ACYP2: variants seen among roughly 807,000 people sequenced by gnomAD.
The protein encoded by ACYP2 is acylphosphatase 2.
ACYP2 carries 12 observed loss-of-function variants against 11.2 expected under a neutral mutation model. That is an observed-to-expected ratio of 1.08 (90% CI 0.69 to 1.74). The LOEUF is 1.74. Ranked by LOEUF, ACYP2 falls within the 40% of genes most tolerant of loss-of-function variation. The pLI, the probability that ACYP2 is intolerant of heterozygous loss-of-function variation, is 0.00. For missense variants in ACYP2, 134 were observed against 101.9 expected, an observed-to-expected ratio of 1.31 and a Z score of -1.35; for synonymous variants, 43 against 32.2, an observed-to-expected ratio of 1.33 and a Z score of -1.13.
intron 6 of ACYP2, among the ~76,000 whole-genome samples, chr2:54,297,720 A>G (rs1689574382): frequency 6.6e-6 from 1 of 151,684 alleles, no homozygotes; most frequent in Non-Finnish European, 1.5e-5. Context: ...GTTTAAAAAC[A>G]TAATGATTAA....
chr2:54,226,309 T>C (rs1686008517), intron 6 of ACYP2, among the ~76,000 whole-genome samples: 1 of 152,218 alleles, frequency 6.6e-6, no homozygotes, highest in African/African-American at 2.4e-5. Flanking sequence ...CTTTCAAAGA[T>C]ATTGAGCGTC....
rs58842257 is a variant in ACYP2, at chr2:54,102,638, C to CAAAAAAAAAAAAAAAAAAAAAAAA, written c.278-32802_278-32779dup. ...AAACCCAATTTAAGCTGGCTTAAGC[C>CAAAAAAAAAAAAAAAAAAAAAAAA]AAAAAAAAAAAAAAAAAAAAAAAAA... On this transcript the variant is annotated intron_variant, in intron 4 of 6. Transcript: ENST00000607452. 2.6e-4 allele frequency among the ~76,000 whole-genome samples: 22 copies of CAAAAAAAAAAAAAAAAAAAAAAAA among 83,304 alleles called. 3 individuals carry two copies. The highest frequency in any genetic ancestry group is 4.3e-4 in the Admixed American group (3 of 6,940). The allele number at this position is 83,304 out of a possible 152,430, so 54.7% of individuals were successfully genotyped here.
intron 2 of ACYP2, among the ~76,000 whole-genome samples, chr2:54,031,276 T>TC (rs1225209024): frequency 1.1e-5 from 1 of 88,324 alleles, no homozygotes; most frequent in Non-Finnish European, 2.1e-5. Flanking sequence ...CCCTTCCCCC[T>TC]CCCCCCACCC....
At chr2:54,018,263 G>C (rs904007999) in intron 2 of ACYP2, among the ~76,000 whole-genome samples, 31 of 152,150 alleles carry the variant, frequency 2.0e-4, no homozygotes, top group African/African-American at 6.8e-4. Context: ...GGTCTGAAGT[G>C]GGTGAGGCCC....
chr2:54,061,306 G>T (rs1676460020), intron 4 of ACYP2, among the ~76,000 whole-genome samples: 1 of 152,142 alleles, frequency 6.6e-6, no homozygotes, highest in Non-Finnish European at 1.5e-5. Flanking sequence ...CTCCTTCCTG[G>T]TAAAAACACT....
intron 6 of ACYP2, among the ~76,000 whole-genome samples, chr2:54,262,254 A>G (rs1285020183): frequency 6.6e-6 from 1 of 152,226 alleles, no homozygotes; most frequent in Non-Finnish European, 1.5e-5. Flanking sequence ...CAGGAGCAAA[A>G]TGATGCAACT....
chr2:54,259,612 A>G (rs1337016210), intron 6 of ACYP2, among the ~76,000 whole-genome samples: 1 of 152,212 alleles, frequency 6.6e-6, no homozygotes, highest in East Asian at 1.9e-4. Flanking sequence ...TTTTACAACA[A>G]AGAGTCACTG....
intron 1 of ACYP2, among the ~76,000 whole-genome samples, chr2:53,972,017 A>G (rs575981500): frequency 1.3e-5 from 2 of 152,364 alleles, no homozygotes; most frequent in African/African-American, 4.8e-5. Flanking sequence ...TTTTTTAAGA[A>G]TTACTCTGGC....
intron 6 of ACYP2, among the ~76,000 whole-genome samples, chr2:54,267,869 A>G (rs1200080615): frequency 3.3e-5 from 5 of 152,208 alleles, no homozygotes; most frequent in African/African-American, 1.2e-4. Flanking sequence ...CTCTTGTTTC[A>G]GAATCTAAAA....
chr2:54,228,283 T>C (rs1267190324), intron 6 of ACYP2, among the ~76,000 whole-genome samples: 1 of 152,246 alleles, frequency 6.6e-6, no homozygotes, highest in African/African-American at 2.4e-5. Context: ...TAGTGCAGTC[T>C]GTAATTCTGT....
chr2:54,152,115 C>T (rs1165312150), intron 6 of ACYP2, among the ~76,000 whole-genome samples: 22 of 106,916 alleles, frequency 2.1e-4, no homozygotes, highest in South Asian at 3.4e-4. Flanking sequence ...AGGGTTGACT[C>T]TTTTTTTTTT....
intron 6 of ACYP2, among the ~76,000 whole-genome samples, chr2:54,283,423 T>C (rs1688931063): frequency 6.6e-6 from 1 of 152,334 alleles, no homozygotes. Context: ...ATGCTTTCCA[T>C]GCCCCAGGAC....
intron 4 of ACYP2, among the ~76,000 whole-genome samples, chr2:54,058,862 G>A (rs1411258023): frequency 1.3e-5 from 2 of 152,142 alleles, no homozygotes; most frequent in Non-Finnish European, 2.9e-5. Context: ...GTCTCTGGGA[G>A]GAGGGATGTT....
chr2:54,096,659 C>T (rs1034506567), intron 4 of ACYP2, among the ~76,000 whole-genome samples: 1 of 152,170 alleles, frequency 6.6e-6, no homozygotes, highest in African/African-American at 2.4e-5. Flanking sequence ...AGCGAAACCC[C>T]GTCTCCACCA....
At chr2:54,169,895 T>C (rs1461762468) in intron 6 of ACYP2, among the ~76,000 whole-genome samples, 1 of 152,124 alleles carries the variant, frequency 6.6e-6, no homozygotes, top group Non-Finnish European at 1.5e-5. Flanking sequence ...TCCTCCTAAT[T>C]TCAGATTAAC....
intron 6 of ACYP2, among the ~76,000 whole-genome samples, chr2:54,245,347 G>A (rs1257910323): frequency 6.6e-6 from 1 of 152,148 alleles, no homozygotes; most frequent in Non-Finnish European, 1.5e-5. Flanking sequence ...AAACATGGGG[G>A]TGCAGATACC....
At chr2:54,304,588 AGTAAAG>A (rs1689846275) in intron 6 of ACYP2, 94 bp from the exon 4 acceptor site, 4 of 699,998 alleles carry the variant, frequency 5.7e-6, no homozygotes, top group African/African-American at 5.4e-5. Flanking sequence ...AAAATTACTT[AGTAAAG>A]GTAAACTCCC....
rs376545088 is a variant in ACYP2 at position 54,040,425 on chromosome 2, C to T, written c.63-10533C>T. ...TGGGGTATAGGGGAGACATGCAGAC[C>T]GGACACTGTTAGCACATCCTAGATG... On this transcript the variant is annotated intron_variant, in intron 2 of 6. Coordinates refer to ENST00000607452, the MANE Select transcript of ACYP2 (RefSeq NM_001320586.2). 1.3e-4 allele frequency among the ~76,000 whole-genome samples: 20 copies of T among 151,954 alleles called. No individual in the cohort carries two copies. The East Asian group carries it at 3.5e-3, about 26-fold the overall frequency.
chr2:53,982,852 G>A (rs1671839439), intron 2 of ACYP2, among the ~76,000 whole-genome samples: 1 of 151,318 alleles, frequency 6.6e-6, no homozygotes, highest in South Asian at 2.1e-4. Flanking sequence ...GTGTGTGTGT[G>A]TGTGTGTGTG....
Sources: gnomAD v4.1 joint callset for allele counts (sites outside exome capture counted in the v4.1 genomes callset) on GRCh38, gnomAD v4.1.1 for gene constraint, MANE v1.5 for transcripts, NCBI Gene and HGNC (gene_info 2026-07-23, HGNC 2026-07-21) for gene names.